The following ADGRL3 variants were observed in gnomAD, a reference collection of about 807,000 sequenced individuals.
ADGRL3 encodes calcium-independent alpha-latrotoxin receptor 3.
A neutral mutation model predicts 153.5 loss-of-function variants in ADGRL3; 62 were observed. The observed-to-expected ratio is 0.40, with a 90% CI of 0.33 to 0.50. ADGRL3 has a LOEUF of 0.50. Ranked by LOEUF, ADGRL3 falls within the 20% of genes least tolerant of loss-of-function variation. ADGRL3 has a pLI of 0.47. For synonymous variants in ADGRL3, 710 were observed against 672.5 expected (o/e 1.06, Z -0.86); for missense variants, 1,641 against 1,859.4 (o/e 0.88, Z 2.16).
intron 2 of ADGRL3, among the ~76,000 whole-genome samples, chr4:61,492,300 AGTT>A (rs977379155): frequency 1.5e-4 from 23 of 152,178 alleles, no homozygotes; most frequent in African/African-American, 5.3e-4. Context: ...ACAAGTGAAA[AGTT>A]AAGAGTTGGG....
chr4:61,798,636 G>A (rs1482028845), intron 8 of ADGRL3, among the ~76,000 whole-genome samples: 3 of 147,942 alleles, frequency 2.0e-5, no homozygotes, highest in Non-Finnish European at 3.0e-5. Context: ...ATTTATTTTT[G>A]AGACAGAGTC....
Position 61,895,827 on chromosome 4 carries a change from C to T in ADGRL3, c.1880C>T (p.Thr627Ile), listed in dbSNP as rs568545677. The T allele has an allele frequency of 1.8e-5, 29 of 1,570,816 alleles. No homozygotes were observed. In the East Asian group the frequency reaches 5.8e-4, roughly 31 times the overall value. The change falls in exon 11 of 27, where the codon ACA becomes ATA. Residue 627 changes from threonine to isoleucine, a missense_variant. By Grantham distance (89) the Thr-to-Ile change is moderately conservative. This residue lies in a region of ADGRL3 where 734 missense variants were observed against 797.0 expected (regional missense o/e 0.92). Transcript: ENST00000683033. ...NCSSPWVNHI[T>I]QKLKSGETAA... ...TCTTCTCCTTGGGTCAATCATATAA[C>T]ACAGAAGGTAAATCTTGTGACTGAC... is the stretch of plus-strand genomic sequence containing the variant.
chr4:61,436,617 A>G (rs1006564196), intron 2 of ADGRL3, among the ~76,000 whole-genome samples: 5 of 152,208 alleles, frequency 3.3e-5, no homozygotes, highest in Non-Finnish European at 7.3e-5. Flanking sequence ...AGTAAATACC[A>G]GGAGACCTAG....
At chr4:61,896,018 C>G (rs1026897272) in intron 11 of ADGRL3, among the ~76,000 whole-genome samples, 184 bp downstream of exon 11, 1 of 151,994 alleles carries the variant, frequency 6.6e-6, no homozygotes, top group African/African-American at 2.4e-5. Flanking sequence ...AAGTGCAAAT[C>G]CATGAATTTC....
At chr4:61,906,991 T>A (rs553194961) in intron 11 of ADGRL3, among the ~76,000 whole-genome samples, 1 of 152,214 alleles carries the variant, frequency 6.6e-6, no homozygotes, top group Non-Finnish European at 1.5e-5. Context: ...TGTTCTGTGT[T>A]GGACTGCCTT....
chr4:61,310,738 T>G (rs1160275782), intron 1 of ADGRL3, among the ~76,000 whole-genome samples: 5 of 151,874 alleles, frequency 3.3e-5, no homozygotes, highest in Non-Finnish European at 7.4e-5. Flanking sequence ...ATCAGTTTTT[T>G]TTTTTTTTTA....
Position 61,326,913 on chromosome 4 carries a change from G to A in ADGRL3, c.-239-56211G>A, listed in dbSNP as rs559793773. 4.6e-5 allele frequency among the ~76,000 whole-genome samples: 7 copies of A among 151,718 alleles called. No individual in the cohort carries two copies. The East Asian group carries it at 1.2e-3, about 25-fold the overall frequency. ...ATCATTGATGCTAAGAGTTATTATG[G>A]TCCACAATATAAATATATATTTAGA... On this transcript the variant is annotated intron_variant, in intron 1 of 26. Coordinates refer to ENST00000683033, the MANE Select transcript of ADGRL3 (RefSeq NM_001387552.1).
At chr4:61,473,500 T>C (rs1490861231) in intron 2 of ADGRL3, among the ~76,000 whole-genome samples, 1 of 152,046 alleles carries the variant, frequency 6.6e-6, no homozygotes, top group Admixed American at 6.6e-5. Context: ...GATCCAGCAC[T>C]TACTTGTTTA....
intron 8 of ADGRL3, among the ~76,000 whole-genome samples, chr4:61,748,091 G>T (rs879591737): frequency 7.8e-4 from 118 of 151,432 alleles, no homozygotes; most frequent in Non-Finnish European, 1.5e-3. Flanking sequence ...CAAATCATGA[G>T]TGAACTCCCA....
intron 1 of ADGRL3, among the ~76,000 whole-genome samples, chr4:61,310,825 C>T (rs933438153): frequency 1.3e-5 from 2 of 151,500 alleles, no homozygotes; most frequent in Non-Finnish European, 2.9e-5. Flanking sequence ...GAATCACCTC[C>T]GGCTGAGTGC....
intron 5 of ADGRL3, among the ~76,000 whole-genome samples, chr4:61,609,044 A>T (rs2099043437): frequency 6.6e-6 from 1 of 152,116 alleles, no homozygotes; most frequent in African/African-American, 2.4e-5. Context: ...AATGGGAGAT[A>T]ATGCTTATTT....
At chr4:61,253,160 A>G (rs911237506) in intron 1 of ADGRL3, among the ~76,000 whole-genome samples, 3 of 152,214 alleles carry the variant, frequency 2.0e-5, no homozygotes, top group Non-Finnish European at 4.4e-5. Flanking sequence ...ATGATTTAGA[A>G]AATTGGTTGG....
chr4:61,269,301 T>A (rs982323071), intron 1 of ADGRL3, among the ~76,000 whole-genome samples: 4 of 151,638 alleles, frequency 2.6e-5, no homozygotes, highest in Non-Finnish European at 1.5e-5. Flanking sequence ...CTTCCTTTTC[T>A]CTGGTGTGTG....
chr4:61,233,442 T>A (rs1751585702), intron 1 of ADGRL3, among the ~76,000 whole-genome samples: 2 of 152,080 alleles, frequency 1.3e-5, no homozygotes, highest in South Asian at 4.1e-4. Flanking sequence ...ATAAGTCCTA[T>A]GTAGGAAAGA....
intron 15 of ADGRL3, among the ~76,000 whole-genome samples, chr4:61,941,442 A>C (rs1323937774): frequency 4.5e-5 from 1 of 22,426 alleles, no homozygotes; most frequent in African/African-American, 2.2e-4. Flanking sequence ...TATGAACTTT[A>C]AAGTAGTTTT....
At chr4:61,833,752 G>A (rs2097900628) in intron 9 of ADGRL3, among the ~76,000 whole-genome samples, 1 of 152,206 alleles carries the variant, frequency 6.6e-6, no homozygotes, top group African/African-American at 2.4e-5. Flanking sequence ...TCCTACAAAG[G>A]CAAACTAGTC....
chr4:61,929,912 C>T (rs969765590), intron 13 of ADGRL3, among the ~76,000 whole-genome samples: 22 of 152,238 alleles, frequency 1.4e-4, no homozygotes, highest in African/African-American at 4.6e-4. Flanking sequence ...CAGTGGCTCA[C>T]GCCTGTAATC....
At chr4:61,723,053 G>T (rs774821407) in intron 6 of ADGRL3, among the ~76,000 whole-genome samples, 15 of 152,150 alleles carry the variant, frequency 9.9e-5, no homozygotes, top group Non-Finnish European at 2.2e-4. Context: ...TCCATAGGAA[G>T]TTTAATTTTA....
At chr4:61,985,907 T>TA (rs11463550) in intron 19 of ADGRL3, among the ~76,000 whole-genome samples, 140,889 of 144,374 alleles carry the variant, frequency 0.98, 68,817 homozygotes, top group East Asian at 1. Context: ...CTAGGATTAG[T>TA]AAAAAAAAAA....
Sources: gnomAD v4.1 joint callset for allele counts (sites outside exome capture counted in the v4.1 genomes callset) on GRCh38, gnomAD v4.1.1 for gene constraint, gnomAD v4.1.1 regional missense constraint, MANE v1.5 for transcripts, NCBI Gene and HGNC (gene_info 2026-07-23, HGNC 2026-07-21) for gene names.